The following ANKRD33B variants were observed in gnomAD, a reference collection of about 807,000 sequenced individuals.
The protein encoded by ANKRD33B is ankyrin repeat domain-containing protein 33B.
In ANKRD33B, 6 loss-of-function variants were observed where a neutral mutation model predicts 21.5. The ratio of observed to expected loss-of-function variants is 0.28; its 90% confidence interval spans 0.15 to 0.55. ANKRD33B has a LOEUF of 0.55. Ranked by LOEUF, ANKRD33B falls within the 20% of genes least tolerant of loss-of-function variation. The pLI, the probability that ANKRD33B is intolerant of heterozygous loss-of-function variation, is 0.94. For missense variants in ANKRD33B, 698 were observed against 747.2 expected (o/e 0.93, Z 0.77); for synonymous variants, 347 against 342.4 (o/e 1.01, Z -0.15).
At chr5:10,605,685 T>A (rs1736032001) in intron 1 of ANKRD33B, among the ~76,000 whole-genome samples, 3 of 152,218 alleles carry the variant, frequency 2.0e-5, no homozygotes, top group South Asian at 4.1e-4. Context: ...CTCGCCACCA[T>A]GCCCAGCTAA....
chr5:10,619,498 GC>G lies in ANKRD33B; in HGVS notation c.496+1038del. On this transcript the variant is annotated intron_variant, in intron 2 of 3. Coordinates refer to ENST00000296657, the MANE Select transcript of ANKRD33B (RefSeq NM_001164440.2). This position sits in a 1 kb window ranked among gnomAD's most constrained non-coding sequence, Gnocchi z 4.5. ...CCTGGGTGGATCTGATGGGTGGGGG[GC>G]CAGGGAGGCTGGAAAACCAGTGTTT... The G allele has an allele frequency of 2.0e-6, 1 of 504,254 alleles. No individual in the cohort carries two copies. Among genetic ancestry groups the G allele is most frequent in the Non-Finnish European group, 2.6e-6 (1 of 390,588 alleles). 31.2% of individuals were successfully genotyped at this position (504,254 alleles called of 1,614,324 possible). A position where few individuals can be genotyped will look rare whatever the true frequency, so the allele number is the denominator to read the frequency against.
Position 10,637,425 on chromosome 5 carries a change from G to GAGACACACACACAC in ANKRD33B, c.497-602_497-601insGACACACACACACA, listed in dbSNP as rs1275126479. On this transcript the variant is annotated intron_variant, in intron 2 of 3. Transcript: ENST00000296657. ...GGATGTGTGTGGGCGTAGGTAGTTAGACACACACACACACACACACACACA... is the reference window on the plus strand; with the variant it reads ...GGATGTGTGTGGGCGTAGGTAGTTAGAGACACACACACACACACACACACACACACACACACACA... Among the ~76,000 whole-genome samples, 160 of 100,394 alleles carry GAGACACACACACAC rather than the reference G, an allele frequency of 1.6e-3. 2 individuals are homozygous for GAGACACACACACAC. Among genetic ancestry groups the GAGACACACACACAC allele is most frequent in the African/African-American group, 6.5e-3 (149 of 23,020 alleles). 65.9% of individuals were successfully genotyped at this position (100,394 alleles called of 152,430 possible). A position where few individuals can be genotyped will look rare whatever the true frequency, so the allele number is the denominator to read the frequency against.
Position 10,564,075 on chromosome 5 carries a change from T to TTGCTTC in ANKRD33B, c.-385_-380dup, listed in dbSNP as rs1388948290. ...GACTCGGGTTCGGCTTCTTTAGTGA[T>TTGCTTC]TGCTTCTGCTTCTCCCGCGCCAGCT... On this transcript the variant is annotated 5_prime_UTR_variant, in exon 1 of 4. Coordinates refer to ENST00000296657, the MANE Select transcript of ANKRD33B (RefSeq NM_001164440.2). 2.0e-5 allele frequency among the ~76,000 whole-genome samples: 3 copies of TTGCTTC among 151,982 alleles called. No individual in the cohort carries two copies. Among genetic ancestry groups the TTGCTTC allele is most frequent in the Non-Finnish European group, 4.4e-5 (3 of 67,950 alleles).
At position 10,596,557 on chromosome 5, in the gene ANKRD33B, G is replaced by A. The variant is rs577909425; in HGVS notation, c.367-21776G>A. Among the ~76,000 whole-genome samples, 322 of 152,160 alleles carry A rather than the reference G, an allele frequency of 2.1e-3. 2 individuals carry two copies. Among genetic ancestry groups the A allele is most frequent in the Non-Finnish European group, 2.9e-3 (200 of 68,016 alleles). ...GTATATAAGATTATGTAAAGAGATC[G>A]AACCTACAACTGATTGGCGTACCTG... On this transcript the variant is annotated intron_variant, in intron 1 of 3. Transcript: ENST00000296657.
chr5:10,645,751 A>T (rs1302068081), intron 3 of ANKRD33B, among the ~76,000 whole-genome samples: 2 of 152,204 alleles, frequency 1.3e-5, no homozygotes, highest in African/African-American at 4.8e-5. Context: ...TTTCGTCAGG[A>T]GGCAGAACCC....
At chr5:10,605,850 T>C (rs1579729665) in intron 1 of ANKRD33B, among the ~76,000 whole-genome samples, 2 of 152,198 alleles carry the variant, frequency 1.3e-5, no homozygotes, top group East Asian at 1.9e-4. Context: ...TGTGTTCCGC[T>C]CTTCTAGCCT....
At chr5:10,575,905 G>A (rs1160935095) in intron 1 of ANKRD33B, among the ~76,000 whole-genome samples, 1 of 152,056 alleles carries the variant, frequency 6.6e-6, no homozygotes, top group Non-Finnish European at 1.5e-5. Flanking sequence ...TTTCAGTGCT[G>A]GAACCTTTTT....
At position 10,649,528 on chromosome 5, in the gene ANKRD33B, G is replaced by A. The variant is rs1399905422; in HGVS notation, c.900G>A (p.Glu300=). The A allele has an allele frequency of 2.0e-6, 3 of 1,533,014 alleles. No homozygotes were observed. Among genetic ancestry groups the A allele is most frequent in the East Asian group, 2.5e-5 (1 of 40,814 alleles). The allele number at this position is 1,533,014 out of a possible 1,614,324, so 95.0% of individuals were successfully genotyped here. A position where few individuals can be genotyped will look rare whatever the true frequency, so the allele number is the denominator to read the frequency against. ...CGCCGCGCTCCGTGCGGGGCCCGGA[G>A]GACGGGGGCGTCCTGGACCACATGG... The part of the protein sequence containing the change: ...VLTPRSVRGP[E]DGGVLDHMVR... The change falls in exon 4 of 4, where the codon GAG becomes GAA. Residue 300 remains glutamate (E), a synonymous_variant. Coordinates refer to ENST00000296657, the MANE Select transcript of ANKRD33B (RefSeq NM_001164440.2).
At position 10,595,977 on chromosome 5, in the gene ANKRD33B, C is replaced by T. The variant is rs553578424; in HGVS notation, c.367-22356C>T. Among the ~76,000 whole-genome samples, 125 of 152,252 alleles carry T rather than the reference C, an allele frequency of 8.2e-4. 1 individual carries two copies. Among genetic ancestry groups the T allele is most frequent in the African/African-American group, 2.8e-3 (117 of 41,544 alleles). ...CCCAGGACAAAAGTGAAACTGCCTT[C>T]GCTGACTCATAGGAAAGTTTGAAAA... On this transcript the variant is annotated intron_variant, in intron 1 of 3. Transcript: ENST00000296657.
In ANKRD33B at chr5:10,576,274, G is replaced by A. The variant is rs1437947945; in HGVS notation, c.366+11441G>A. ...GTCAGACCTAGTTATTAATAGGTGG[G>A]AAGAGGACTCACTGGAAATATTGGG... On this transcript the variant is annotated intron_variant, in intron 1 of 3. Transcript: ENST00000296657. This position sits in a 1 kb window ranked among gnomAD's most constrained non-coding sequence, Gnocchi z 4.1. 6.6e-6 allele frequency among the ~76,000 whole-genome samples: 1 copy of A among 152,178 alleles called. No individual in the cohort carries two copies. Among genetic ancestry groups the A allele is most frequent in the East Asian group, 1.9e-4 (1 of 5,194 alleles).
intron 3 of ANKRD33B, among the ~76,000 whole-genome samples, chr5:10,648,336 C>T (rs1445849479): frequency 6.6e-6 from 1 of 152,254 alleles, no homozygotes; most frequent in Non-Finnish European, 1.5e-5. Flanking sequence ...GGTGCCACCA[C>T]TTTGCAAGTG....
At chr5:10,599,896 G>A (rs1560969461) in intron 1 of ANKRD33B, among the ~76,000 whole-genome samples, 1 of 152,218 alleles carries the variant, frequency 6.6e-6, no homozygotes. Flanking sequence ...TTAGCTTTCT[G>A]AGGAACAACC....
Position 10,654,765 on chromosome 5 carries a change from C to G in ANKRD33B, c.*4652C>G, listed in dbSNP as rs534187221. 2.0e-5 allele frequency: 3 copies of G among 152,440 alleles called. No homozygotes were observed. Among genetic ancestry groups the G allele is most frequent in the East Asian group, 3.7e-4 (2 of 5,336 alleles). The allele number at this position is 152,440 out of a possible 1,614,324, so 9.4% of individuals were successfully genotyped here. On this transcript the variant is annotated 3_prime_UTR_variant, in exon 4 of 4. Transcript: ENST00000296657. ...CCTCGCTCTTCCCTCCAGAACCGGC[C>G]GCTCCCGGTCTGACGTTGGAGCACG...
At chr5:10,567,149 G>A (rs774682166) in intron 1 of ANKRD33B, among the ~76,000 whole-genome samples, 39 of 152,188 alleles carry the variant, frequency 2.6e-4, no homozygotes, top group Non-Finnish European at 5.0e-4. Flanking sequence ...GGATCAGACG[G>A]AGCAGGGCTT....
chr5:10,648,118 C>T (rs1212360997), intron 3 of ANKRD33B, among the ~76,000 whole-genome samples: 3 of 152,136 alleles, frequency 2.0e-5, no homozygotes, highest in African/African-American at 4.8e-5. Context: ...CTTTTTGCAA[C>T]AAGCCTTTTA....
At chr5:10,565,793 A>T (rs765781170) in intron 1 of ANKRD33B, among the ~76,000 whole-genome samples, 13 of 152,232 alleles carry the variant, frequency 8.5e-5, no homozygotes, top group Non-Finnish European at 1.9e-4. Context: ...GGCAAATGGC[A>T]GCGTTCTCAC....
chr5:10,567,663 A>C (rs955877108), intron 1 of ANKRD33B, among the ~76,000 whole-genome samples: 2 of 152,190 alleles, frequency 1.3e-5, no homozygotes, highest in Non-Finnish European at 2.9e-5. Context: ...AGGCATTCAC[A>C]CATTTAGGGC....
rs547410644 is a variant in ANKRD33B, at chr5:10,632,296, T to C, written c.497-5732T>C. Among the ~76,000 whole-genome samples, 7 of 152,192 alleles carry C rather than the reference T, an allele frequency of 4.6e-5. No homozygotes were observed. The East Asian group carries it at 1.4e-3, about 30-fold the overall frequency. On this transcript the variant is annotated intron_variant, in intron 2 of 3. Coordinates refer to ENST00000296657, the MANE Select transcript of ANKRD33B (RefSeq NM_001164440.2). ...AGGAGAGGGGTTTGCGTGAGGTCGGTGACTTCCATGTGAAAAATTTAACAT... is the reference window on the plus strand; with the variant it reads ...AGGAGAGGGGTTTGCGTGAGGTCGGCGACTTCCATGTGAAAAATTTAACAT...
rs574278787 is a variant in ANKRD33B at position 10,578,202 on chromosome 5, T to C, written c.366+13369T>C. 7.2e-5 allele frequency among the ~76,000 whole-genome samples: 11 copies of C among 152,296 alleles called. No individual in the cohort carries two copies. In the East Asian group the frequency reaches 1.9e-3, roughly 27 times the overall value. On this transcript the variant is annotated intron_variant, in intron 1 of 3. Coordinates refer to ENST00000296657, the MANE Select transcript of ANKRD33B (RefSeq NM_001164440.2). ...GCCTGGGACTTTCCGGTTTTTTGTT[T>C]TTAGCACTGAAAATCCTGTATCCTG...
Sources: allele counts gnomAD v4.1 joint callset (sites outside exome capture counted in the v4.1 genomes callset), GRCh38; gene constraint gnomAD v4.1.1; non-coding constraint Gnocchi (gnomAD v3.1); transcripts MANE v1.5; gene names NCBI Gene and HGNC (gene_info 2026-07-23, HGNC 2026-07-21).